Variants in SCLT1 observed in about 807,000 individuals in gnomAD.
SCLT1 encodes the protein sodium channel and clathrin linker 1.
Under a neutral mutation model 112.8 loss-of-function variants are expected in SCLT1, and 78 were observed. The observed-to-expected ratio is 0.69, with a 90% confidence interval of 0.58 to 0.83. The LOEUF is 0.83. Among genes scored for constraint, SCLT1 ranks in the 40% least tolerant of loss-of-function variants. The pLI is 0.00. For missense variants in SCLT1, 747 were observed against 770.4 expected, an observed-to-expected ratio of 0.97 and a Z score of 0.36; for synonymous variants, 257 against 254.7, an observed-to-expected ratio of 1.01 and a Z score of -0.09.
chr4:129,065,681 T>A (rs1033566896), intron 2 of SCLT1, among the ~76,000 whole-genome samples: 1 of 152,098 alleles, frequency 6.6e-6, no homozygotes, highest in Admixed American at 6.6e-5. Context: ...AAATGCGTTG[T>A]AATTTATTTA....
intron 7 of SCLT1, among the ~76,000 whole-genome samples, chr4:128,999,015 G>T (rs72924115): frequency 6.6e-6 from 1 of 152,036 alleles, no homozygotes; most frequent in South Asian, 2.1e-4. Flanking sequence ...AAGAATAAAA[G>T]AGGTAGATTT....
At chr4:128,975,503 T>C (rs1429120413) in intron 9 of SCLT1, among the ~76,000 whole-genome samples, 1 of 152,236 alleles carries the variant, frequency 6.6e-6, no homozygotes, top group African/African-American at 2.4e-5. Flanking sequence ...GTACAATGAG[T>C]CTATTTTAAG....
intron 11 of SCLT1, among the ~76,000 whole-genome samples, chr4:128,961,148 A>G (rs1450130614): frequency 1.3e-5 from 2 of 151,946 alleles, no homozygotes; most frequent in African/African-American, 4.8e-5. Context: ...GGTCTCCTTC[A>G]TCCATAGATT....
chr4:129,049,117 A>G (rs571419119), intron 2 of SCLT1, among the ~76,000 whole-genome samples: 19 of 152,138 alleles, frequency 1.2e-4, no homozygotes, highest in Non-Finnish European at 1.8e-4. Context: ...TGACCCAGCC[A>G]TCGCATTACT....
At chr4:129,023,702 A>C (rs1009784289) in intron 5 of SCLT1, among the ~76,000 whole-genome samples, 4 of 152,232 alleles carry the variant, frequency 2.6e-5, no homozygotes, top group African/African-American at 9.6e-5. Flanking sequence ...CAGTGGGTGC[A>C]GTGCACTGTG....
At chr4:128,894,208 T>C (rs372759958) in intron 18 of SCLT1, among the ~76,000 whole-genome samples, 9 of 152,014 alleles carry the variant, frequency 5.9e-5, no homozygotes, top group African/African-American at 9.7e-5. Flanking sequence ...TCCTGAAGTG[T>C]TGGGATTACA....
intron 2 of SCLT1, among the ~76,000 whole-genome samples, chr4:129,056,506 A>G (rs528429823): frequency 2.6e-5 from 4 of 152,154 alleles, no homozygotes; most frequent in Non-Finnish European, 5.9e-5. Flanking sequence ...ATCATTTTCA[A>G]TTTCTGTCAA....
chr4:128,980,380 A>C (rs1302314453), intron 9 of SCLT1, among the ~76,000 whole-genome samples: 1 of 151,650 alleles, frequency 6.6e-6, no homozygotes, highest in Non-Finnish European at 1.5e-5. Context: ...CACATTTTTA[A>C]AGAAAAAATA....
chr4:128,998,365 A>G (rs1257165784), intron 7 of SCLT1, among the ~76,000 whole-genome samples: 2 of 152,012 alleles, frequency 1.3e-5, no homozygotes, highest in South Asian at 4.1e-4. Flanking sequence ...TTTTTTAAAA[A>G]CATTCTCATG....
intron 2 of SCLT1, among the ~76,000 whole-genome samples, chr4:129,054,211 CTGA>C (rs557181410): frequency 6.6e-6 from 1 of 152,232 alleles, no homozygotes; most frequent in South Asian, 2.1e-4. Flanking sequence ...CTTGATGAAT[CTGA>C]TGATTATGTG....
At chr4:129,005,881 T>C (rs1186059330) in intron 5 of SCLT1, among the ~76,000 whole-genome samples, 6 of 150,692 alleles carry the variant, frequency 4.0e-5, no homozygotes, top group Admixed American at 6.6e-5. Flanking sequence ...ATGGATGAAA[T>C]TGGAAATCAT....
chr4:128,922,116 G>C (rs1478313305), intron 18 of SCLT1, among the ~76,000 whole-genome samples: 2 of 152,122 alleles, frequency 1.3e-5, no homozygotes, highest in Non-Finnish European at 2.9e-5. Flanking sequence ...ACCCACATCA[G>C]AATTGATATT....
intron 11 of SCLT1, among the ~76,000 whole-genome samples, chr4:128,961,097 TA>T (rs1378122174): frequency 6.6e-6 from 1 of 152,120 alleles, no homozygotes; most frequent in African/African-American, 2.4e-5. Flanking sequence ...TAAATTTGAC[TA>T]TTTTTTTTCA....
intron 18 of SCLT1, among the ~76,000 whole-genome samples, chr4:128,932,104 C>A (rs1375484404): frequency 6.6e-6 from 1 of 152,088 alleles, no homozygotes; most frequent in East Asian, 1.9e-4. Context: ...ATTTTGTTCC[C>A]ATACCAGATC....
At chr4:128,896,034 G>T (rs1305224020) in intron 18 of SCLT1, among the ~76,000 whole-genome samples, 2 of 152,252 alleles carry the variant, frequency 1.3e-5, no homozygotes, top group Admixed American at 1.3e-4. Context: ...AAACAAAGTG[G>T]CCAGGAAGCT....
chr4:128,987,539 G>A (rs1742204894), intron 9 of SCLT1, among the ~76,000 whole-genome samples: 1 of 152,066 alleles, frequency 6.6e-6, no homozygotes, highest in Non-Finnish European at 1.5e-5. Context: ...TTCTGGAGTT[G>A]AAAAATCCCA....
At chr4:128,980,960 G>C (rs535878911) in intron 9 of SCLT1, among the ~76,000 whole-genome samples, 172 of 152,194 alleles carry the variant, frequency 1.1e-3, no homozygotes, top group African/African-American at 3.8e-3. Flanking sequence ...GAATAAATTA[G>C]CCTTGTCTCT....
intron 1 of SCLT1, among the ~76,000 whole-genome samples, chr4:129,086,676 A>AAG (rs1439635016): frequency 5.9e-5 from 9 of 152,174 alleles, no homozygotes; most frequent in Admixed American, 1.3e-4. Flanking sequence ...GCAGGGGTAT[A>AAG]ATCATATTAA....
chr4:129,035,188 T>C (rs2126152323), intron 5 of SCLT1, among the ~76,000 whole-genome samples: 1 of 152,254 alleles, frequency 6.6e-6, no homozygotes, highest in African/African-American at 2.4e-5. Flanking sequence ...TTTCCTCATG[T>C]TTCTCTTCTT....
Sources: allele counts gnomAD v4.1 joint callset (sites outside exome capture counted in the v4.1 genomes callset), GRCh38; gene constraint gnomAD v4.1.1; transcripts MANE v1.5; gene names NCBI Gene and HGNC (gene_info 2026-07-23, HGNC 2026-07-21).